Variants in NGEF observed in about 807,000 individuals in gnomAD.
NGEF encodes ephexin-1.
In NGEF, 31 loss-of-function variants were observed where a neutral mutation model predicts 80.9. The ratio of observed to expected loss-of-function variants is 0.38; its 90% confidence interval spans 0.29 to 0.52. NGEF has a LOEUF of 0.52. NGEF is among the 20% of genes least tolerant of loss of function. The pLI is 0.84. For synonymous variants in NGEF, 371 were observed against 370.2 expected (o/e 1.00, Z -0.03); for missense variants, 709 against 926.2 (o/e 0.77, Z 3.04).
chr2:232,915,189 A>T (rs958242053), intron 5 of NGEF, among the ~76,000 whole-genome samples: 2 of 151,848 alleles, frequency 1.3e-5, no homozygotes, highest in Non-Finnish European at 2.9e-5. Flanking sequence ...TTACTGGTAT[A>T]TTTTTGTGTA....
At chr2:232,899,865 GTCAC>G (rs1357954631) in intron 5 of NGEF, among the ~76,000 whole-genome samples, 3 of 100,164 alleles carry the variant, frequency 3.0e-5, no homozygotes, top group African/African-American at 7.6e-5. Flanking sequence ...CGCTCTCACA[GTCAC>G]TCATATACAC....
chr2:232,908,643 ACTC>A (rs1452844627), intron 5 of NGEF, among the ~76,000 whole-genome samples: 1 of 150,752 alleles, frequency 6.6e-6, no homozygotes, highest in Non-Finnish European at 1.5e-5. Context: ...GGCTAAAACC[ACTC>A]CTCCTACCTC....
chr2:232,882,226 G>T lies in NGEF; in HGVS notation c.1797C>A (p.Asn599Lys). Residue 599 changes from asparagine (N) to lysine (K), a missense_variant, in exon 13 of 15, where the codon AAC becomes AAA. Physicochemically the swap from Asn to Lys is moderately conservative, Grantham distance 94 (BLOSUM62 0). Transcript: ENST00000264051. ...MKRWMTSLAPNRRTKFVSFTS... is the reference protein window; with the variant it reads ...MKRWMTSLAPKRRTKFVSFTS... The stretch of plus-strand genomic sequence containing the variant: ...TGAACGAAACAAACTTGGTCCTCCT[G>T]TTGGGGGCCAGTGAGGTCATCCAAC... 6.2e-7 allele frequency: 1 copy of T among 1,613,888 alleles called. No individual in the cohort carries two copies.
intron 1 of NGEF, among the ~76,000 whole-genome samples, chr2:232,977,216 C>T (rs552330359): frequency 6.6e-6 from 1 of 152,298 alleles, no homozygotes; most frequent in South Asian, 2.1e-4. Context: ...CCTGCACTTG[C>T]TCCACTTGGG....
rs10933413 is a variant in NGEF at position 232,907,689 on chromosome 2, T to TA, written c.828+12594dup. Among the ~76,000 whole-genome samples, 6 of 151,858 alleles carry TA rather than the reference T, an allele frequency of 4.0e-5. No homozygotes were observed. In the East Asian group the frequency reaches 5.8e-4, roughly 15 times the overall value. ...ATTTGCAAACATGCATAAAAGAAAG[T>TA]AAAAAAAAAATCTTTATTTTCTATG... On this transcript the variant is annotated intron_variant, in intron 5 of 14. Transcript: ENST00000264051.
intron 3 of NGEF, among the ~76,000 whole-genome samples, chr2:232,942,970 T>TTTTCTAATTTTAAAGCCATG (rs1693471565): frequency 6.6e-6 from 1 of 151,430 alleles, no homozygotes; most frequent in African/African-American, 2.4e-5. Context: ...TGCAGCTGCT[T>TTTTCTAATTTTAAAGCCATG]TTTCTAATTT....
chr2:232,988,036 C>CCTCTGTGTGT (rs1553558805), intron 1 of NGEF, among the ~76,000 whole-genome samples: 1 of 140,266 alleles, frequency 7.1e-6, no homozygotes, highest in Non-Finnish European at 1.6e-5. Context: ...GGGATGGTCT[C>CCTCTGTGTGT]GTGTGTGTGT....
At chr2:232,941,135 G>A (rs1011664768) in intron 3 of NGEF, among the ~76,000 whole-genome samples, 2 of 152,156 alleles carry the variant, frequency 1.3e-5, no homozygotes, top group African/African-American at 4.8e-5. Context: ...ATCATAGGAA[G>A]TCGGAGCTGT....
chr2:232,913,642 C>T (rs558003766), intron 5 of NGEF, among the ~76,000 whole-genome samples: 64 of 152,114 alleles, frequency 4.2e-4, no homozygotes, highest in Admixed American at 7.2e-4. Flanking sequence ...ATTTTGTAGC[C>T]GGGCGCGGTG....
chr2:232,936,810 T>C (rs1693333834), intron 3 of NGEF, among the ~76,000 whole-genome samples: 1 of 152,196 alleles, frequency 6.6e-6, no homozygotes, highest in South Asian at 2.1e-4. Context: ...ATGGTGAGTA[T>C]AACAGCTTTC....
intron 4 of NGEF, among the ~76,000 whole-genome samples, chr2:232,921,997 G>A (rs1692957280): frequency 6.6e-6 from 1 of 152,080 alleles, no homozygotes; most frequent in Non-Finnish European, 1.5e-5. Flanking sequence ...GGGTGGCGTT[G>A]GGGTGGGGTG....
chr2:232,924,266 T>C (rs1425250020), intron 4 of NGEF, among the ~76,000 whole-genome samples: 2 of 152,044 alleles, frequency 1.3e-5, no homozygotes, highest in Non-Finnish European at 2.9e-5. Flanking sequence ...AATACATTTT[T>C]AAAAAGCTGT....
intron 3 of NGEF, among the ~76,000 whole-genome samples, chr2:232,944,729 AT>A (rs1693516016): frequency 4.4e-5 from 1 of 22,848 alleles, no homozygotes; most frequent in African/African-American, 2.5e-4. Context: ...TTTTCCGAAT[AT>A]ATATATATAT....
chr2:233,007,775 C>T (rs182605181), intron 1 of NGEF, among the ~76,000 whole-genome samples: 11 of 152,272 alleles, frequency 7.2e-5, no homozygotes, highest in South Asian at 2.1e-4. Context: ...TGGCCAATGG[C>T]GAATGACTTT....
intron 3 of NGEF, among the ~76,000 whole-genome samples, chr2:232,953,508 TTAAAA>T (rs1693727366): frequency 7.0e-6 from 1 of 142,662 alleles, no homozygotes; most frequent in African/African-American, 2.9e-5. Context: ...CTTTTTTTTT[TTAAAA>T]AAAAAAGAAA....
chr2:232,945,657 G>T (rs1032264339), intron 3 of NGEF, among the ~76,000 whole-genome samples: 1 of 150,264 alleles, frequency 6.7e-6, no homozygotes, highest in African/African-American at 2.5e-5. Context: ...TGGTCCTGAC[G>T]ATGTCTTGCT....
intron 6 of NGEF, among the ~76,000 whole-genome samples, chr2:232,894,129 C>G (rs1039310775): frequency 3.1e-4 from 47 of 152,160 alleles, no homozygotes; most frequent in Non-Finnish European, 8.8e-5. Flanking sequence ...ATGGTAAGTG[C>G]TCTTTCATCC....
At chr2:232,894,665 C>G in intron 6 of NGEF, 91 bp downstream of exon 6, 1 of 1,191,802 alleles carries the variant, frequency 8.4e-7, no homozygotes, top group Non-Finnish European at 1.1e-6. Context: ...GTAGAGAAGC[C>G]AGTATCGAGC....
At chr2:232,976,618 C>G (rs1187205073) in intron 1 of NGEF, among the ~76,000 whole-genome samples, 1 of 152,168 alleles carries the variant, frequency 6.6e-6, no homozygotes, top group African/African-American at 2.4e-5. Flanking sequence ...AAGGTTTGCC[C>G]TAGGATGGCA....
Sources: gnomAD v4.1 joint callset for allele counts (sites outside exome capture counted in the v4.1 genomes callset) on GRCh38, gnomAD v4.1.1 for gene constraint, MANE v1.5 for transcripts, NCBI Gene and HGNC (gene_info 2026-07-23, HGNC 2026-07-21) for gene names.